The following PUDP variants were observed in gnomAD, a reference collection of about 807,000 sequenced individuals.
The protein encoded by PUDP is pseudouridine-5'-phosphatase.
PUDP carries 8 observed loss-of-function variants against 9.4 expected under a neutral mutation model. The ratio of observed to expected loss-of-function variants is 0.85; its 90% CI spans 0.50 to 1.53. The LOEUF is 1.53. PUDP is among the 40% of genes most tolerant of loss of function. PUDP has a pLI of 0.00. For synonymous variants in PUDP, 99 were observed against 80.7 expected (o/e 1.23, Z -1.22); for missense variants, 188 against 189.7 (o/e 0.99, Z 0.05).
chrX:6,823,251 C>G lies in PUDP; in HGVS notation c.*248-116785G>C, dbSNP rs186376473. On this transcript the variant is annotated intron_variant and NMD_transcript_variant, in intron 3 of 3. Transcript: ENST00000655425. ...AAATCCTTTACCTCGATAGATATAT[C>G]TTTGACATATTTTGAAATGGCTGTC... Among the ~76,000 whole-genome samples, 187 of 111,370 alleles carry G rather than the reference C, an allele frequency of 1.7e-3. 1 individual carries two copies. The highest frequency in any genetic ancestry group is 5.9e-3 in the African/African-American group (181 of 30,613).
chrX:7,072,098 C>T (rs1191732273), intron 3 of PUDP, among the ~76,000 whole-genome samples: 2 of 111,994 alleles, frequency 1.8e-5, no homozygotes, highest in African/African-American at 6.5e-5. Flanking sequence ...AGACTGTATT[C>T]TTAACAAGGT....
intron 1 of PUDP, among the ~76,000 whole-genome samples, chrX:6,983,927 G>A (rs12687167): frequency 0.031 from 3,508 of 112,311 alleles, 53 homozygotes; most frequent in East Asian, 0.14. Flanking sequence ...TAACAGGACC[G>A]TTGATCCCCT....
chrX:6,906,229 C>G (rs1406061245), intron 3 of PUDP, among the ~76,000 whole-genome samples: 1 of 111,737 alleles, frequency 8.9e-6, no homozygotes, highest in Non-Finnish European at 1.9e-5. Flanking sequence ...CATGTTGACT[C>G]TCCTCCTGGT....
intron 1 of PUDP, among the ~76,000 whole-genome samples, chrX:7,131,177 C>T (rs928113858): frequency 9.0e-6 from 1 of 111,701 alleles, no homozygotes; most frequent in African/African-American, 3.3e-5. Flanking sequence ...CAGGACAAGT[C>T]ACTGCTATTC....
At chrX:6,748,317 A>G (rs5989564) in intron 3 of PUDP, among the ~76,000 whole-genome samples, 47,108 of 110,796 alleles carry the variant, frequency 0.43, 7,803 homozygotes, top group African/African-American at 0.56. Flanking sequence ...ATGTTCAACC[A>G]TAAAGATTTA....
intron 3 of PUDP, among the ~76,000 whole-genome samples, chrX:6,767,488 C>T (rs1035016856): frequency 4.4e-5 from 5 of 112,430 alleles, no homozygotes. Flanking sequence ...GAAATAAAAA[C>T]ACATTTTAAT....
At chrX:6,775,510 C>CAT (rs1461124020) in intron 3 of PUDP, among the ~76,000 whole-genome samples, 57 of 109,658 alleles carry the variant, frequency 5.2e-4, no homozygotes, top group Middle Eastern at 9.3e-3. Flanking sequence ...CACATACACA[C>CAT]ACACACACAC....
intron 2 of PUDP, among the ~76,000 whole-genome samples, chrX:7,079,115 T>G (rs1329316032): frequency 1.8e-5 from 2 of 112,318 alleles, no homozygotes; most frequent in South Asian, 3.7e-4. Flanking sequence ...ACAGATAGAT[T>G]GAAGATAAAA....
intron 3 of PUDP, among the ~76,000 whole-genome samples, chrX:6,812,582 A>G (rs780255662): frequency 2.7e-5 from 3 of 111,814 alleles, no homozygotes; most frequent in African/African-American, 6.5e-5. Flanking sequence ...TTTTAATGTG[A>G]TATTTTATGT....
chrX:6,844,808 G>C (rs971317134), intron 3 of PUDP, among the ~76,000 whole-genome samples: 1 of 112,269 alleles, frequency 8.9e-6, no homozygotes, highest in African/African-American at 3.2e-5. Context: ...GAAAGGCTAA[G>C]AACCAGGGGA....
intron 3 of PUDP, among the ~76,000 whole-genome samples, chrX:6,974,772 G>A (rs1446581213): frequency 9.0e-6 from 1 of 111,235 alleles, no homozygotes; most frequent in African/African-American, 3.3e-5. Context: ...TGCTAGGTTG[G>A]GGAATTTCTC....
upstream of PUDP, among the ~76,000 whole-genome samples, chrX:6,722,642 A>G (rs992274761): frequency 9.0e-6 from 1 of 111,708 alleles, no homozygotes; most frequent in African/African-American, 3.2e-5. Context: ...AACTACGCTA[A>G]AAGATAAGCC....
At chrX:6,860,197 A>G (rs1050371146) in intron 3 of PUDP, among the ~76,000 whole-genome samples, 1 of 111,137 alleles carries the variant, frequency 9.0e-6, no homozygotes, top group Admixed American at 9.6e-5. Flanking sequence ...GCCCAGGCTG[A>G]TCTCAAACTC....
chrX:7,005,897 C>T (rs1212061845), intron 1 of PUDP, among the ~76,000 whole-genome samples: 1 of 111,297 alleles, frequency 9.0e-6, no homozygotes, highest in Non-Finnish European at 1.9e-5. Context: ...ATTTTGACTG[C>T]TCTAGGGACT....
At chrX:7,126,156 A>T (rs1297893099) in intron 1 of PUDP, among the ~76,000 whole-genome samples, 1 of 112,259 alleles carries the variant, frequency 8.9e-6, no homozygotes, top group Admixed American at 9.4e-5. Flanking sequence ...TCTCCTAAAG[A>T]CACATGAGTG....
intron 1 of PUDP, among the ~76,000 whole-genome samples, chrX:7,024,004 T>C (rs1435372553): frequency 8.9e-6 from 1 of 112,173 alleles, no homozygotes; most frequent in Non-Finnish European, 1.9e-5. Flanking sequence ...TCTTCATTGC[T>C]AGTATATAAA....
intron 3 of PUDP, among the ~76,000 whole-genome samples, chrX:6,875,411 C>T (rs1927238518): frequency 9.0e-6 from 1 of 111,502 alleles, no homozygotes; most frequent in Admixed American, 9.6e-5. Context: ...TACCTCTCAC[C>T]CCCATCTCCC....
intron 2 of PUDP, among the ~76,000 whole-genome samples, chrX:7,099,080 G>A (rs1016445538): frequency 3.0e-4 from 34 of 112,268 alleles, no homozygotes; most frequent in Non-Finnish European, 5.8e-4. Context: ...AGAGAGCTGG[G>A]ACAACAGAAA....
At chrX:6,915,087 A>G (rs1280865952) in intron 3 of PUDP, among the ~76,000 whole-genome samples, 3 of 112,130 alleles carry the variant, frequency 2.7e-5, no homozygotes, top group Admixed American at 9.5e-5. Flanking sequence ...CTCTGTTTTC[A>G]GCGAATGTAG....
Sources: gnomAD v4.1 joint callset for allele counts (sites outside exome capture counted in the v4.1 genomes callset) on GRCh38, gnomAD v4.1.1 for gene constraint, MANE v1.5 for transcripts, NCBI Gene and HGNC (gene_info 2026-07-23, HGNC 2026-07-21) for gene names.